Variants in PAGE1 observed in about 807,000 individuals in gnomAD.
The protein encoded by PAGE1 is P antigen family member 1.
PAGE1 carries 6 observed loss-of-function variants against 11.5 expected under a neutral mutation model. The observed-to-expected ratio is 0.52, with a 90% CI of 0.29 to 1.03. The LOEUF (loss-of-function observed/expected upper bound fraction) is 1.03, where lower values mean the gene tolerates loss of function less well. Ranked by LOEUF, PAGE1 falls within the 50% of genes least tolerant of loss-of-function variation. PAGE1 has a pLI of 0.09. For missense variants in PAGE1, 120 were observed against 110.2 expected, an observed-to-expected ratio of 1.09 and a Z score of -0.40; for synonymous variants, 42 against 40.2, an observed-to-expected ratio of 1.05 and a Z score of -0.17.
At position 49,691,317 on chromosome X, in the gene PAGE1, A is replaced by G. The variant is rs1055197; in HGVS notation, c.224T>C (p.Leu75Pro). Residue 75 changes from leucine (L) to proline (P), a missense_variant, in exon 4 of 6, where the codon CTT (leucine) becomes CCT (proline). Coordinates refer to ENST00000376150, the MANE Select transcript of PAGE1 (RefSeq NM_003785.4). ...ELVQPKTGCE[L>P]GDGPDTKRVC... ...CCTCTTGGTATCAGGACCATCTCCA[A>G]GCTCACACCCAGTCTTTGGCTGAAC... 5.8e-6 allele frequency: 7 copies of G among 1,209,550 alleles called. No homozygotes were observed. In the East Asian group the frequency reaches 2.1e-4, roughly 36 times the overall value.
At chrX:49,693,854 C>T (rs915158181) in intron 3 of PAGE1, among the ~76,000 whole-genome samples, 3 of 111,036 alleles carry the variant, frequency 2.7e-5, no homozygotes, top group Admixed American at 1.9e-4. Context: ...ACACAATCCC[C>T]GGGCCTCCAT....
In PAGE1 at chrX:49,689,359, A is replaced by G. The variant is rs1294250040; in HGVS notation, c.418+59T>C. ...CTGTCTCAAAAAAATAATAATTATT[A>G]TAATATGATACTGTGGAAACAGACA... On this transcript the variant is annotated intron_variant, in intron 5 of 5. Coordinates refer to ENST00000376150, the MANE Select transcript of PAGE1 (RefSeq NM_003785.4). 4.2e-6 allele frequency: 4 copies of G among 961,817 alleles called. No homozygotes were observed. In the South Asian group the frequency reaches 6.7e-5, roughly 16 times the overall value. The allele number at this position is 961,817 out of a possible 1,213,427, so 79.3% of individuals were successfully genotyped here. A position where few individuals can be genotyped will look rare whatever the true frequency, so the allele number is the denominator to read the frequency against.
Position 49,691,283 on chromosome X carries a change from C to A in PAGE1, c.258G>T (p.Leu86=), listed in dbSNP as rs2147145456. ...GCAGTTTCATCTGCTCTTCATTTCG[C>A]AGGCACACCCTCTTGGTATCAGGAC... ...GDGPDTKRVC[L]RNEEQMKLPA... The change falls in exon 4 of 6, where the codon CTG becomes CTT. Residue 86 remains leucine (L), a synonymous_variant. Coordinates refer to ENST00000376150, the MANE Select transcript of PAGE1 (RefSeq NM_003785.4). 1 of 1,210,679 alleles carries A rather than the reference C, an allele frequency of 8.3e-7. No homozygotes were observed. Among genetic ancestry groups the A allele is most frequent in the Non-Finnish European group, 1.1e-6 (1 of 894,601 alleles).
At chrX:49,695,264 C>T (rs186740570) in intron 1 of PAGE1, among the ~76,000 whole-genome samples, 120 of 112,610 alleles carry the variant, frequency 1.1e-3, no homozygotes, top group African/African-American at 3.5e-3. Flanking sequence ...TTTTGGCACA[C>T]TCCCACTTAC....
intron 5 of PAGE1, among the ~76,000 whole-genome samples, chrX:49,689,202 G>T (rs970105267): frequency 9.2e-6 from 1 of 108,872 alleles, no homozygotes; most frequent in Non-Finnish European, 1.9e-5. Flanking sequence ...TTAGCTGGGC[G>T]TGGTGGAGCA....
intron 2 of PAGE1, 82 bp downstream of exon 2, chrX:49,694,626 C>T: frequency 3.3e-6 from 2 of 610,132 alleles, no homozygotes; most frequent in Non-Finnish European, 5.2e-6. Context: ...ACTAATGCAA[C>T]AACACTATCA....
chrX:49,692,791 T>C (rs1465187736), intron 3 of PAGE1, among the ~76,000 whole-genome samples: 3 of 110,369 alleles, frequency 2.7e-5, no homozygotes, highest in Non-Finnish European at 5.7e-5. Flanking sequence ...TTATTATTTA[T>C]TTATTTATTT....
intron 4 of PAGE1, among the ~76,000 whole-genome samples, chrX:49,689,832 A>T (rs1252254116): frequency 8.1e-5 from 5 of 61,762 alleles, no homozygotes; most frequent in Admixed American, 4.0e-4. Context: ...ATATGTGTAT[A>T]TATGTGTGTA....
chrX:49,687,557 C>T lies in PAGE1; in HGVS notation c.425G>A (p.Gly142Glu). 1.7e-6 allele frequency: 2 copies of T among 1,203,802 alleles called. No individual in the cohort carries two copies. The highest frequency in any genetic ancestry group is 2.2e-6 in the Non-Finnish European group (2 of 890,597). ...TGTCTTCTTTTAAGGCTGTGATTGC[C>T]CTTCATCTGTAACAGAAACATAACT... Reference protein sequence around the residue: ...EEVKTPEEDEGQSQP With the variant: ...EEVKTPEEDEEQSQP Residue 142 changes from glycine (G) to glutamate (E), a missense_variant, in exon 6 of 6, where the codon GGG (glycine) becomes GAG (glutamate). Coordinates refer to ENST00000376150, the MANE Select transcript of PAGE1 (RefSeq NM_003785.4).
intron 5 of PAGE1, 142 bp downstream of exon 5, chrX:49,689,276 A>C: frequency 3.2e-6 from 2 of 618,325 alleles, no homozygotes; most frequent in Non-Finnish European, 4.1e-6. Flanking sequence ...GGGAGGCAGA[A>C]GCTCCAGTGA....
intron 5 of PAGE1, among the ~76,000 whole-genome samples, chrX:49,688,913 T>C (rs2066893277): frequency 8.9e-6 from 1 of 112,604 alleles, no homozygotes; most frequent in Non-Finnish European, 1.9e-5. Context: ...TAATTCAATA[T>C]GGCTTTGTCT....
chrX:49,687,958 G>C (rs1557141201), intron 5 of PAGE1, among the ~76,000 whole-genome samples: 1 of 112,865 alleles, frequency 8.9e-6, no homozygotes, highest in Non-Finnish European at 1.9e-5. Flanking sequence ...GATATGGTTA[G>C]AGATCATGTA....
At chrX:49,694,799 T>C (rs375975950) in intron 1 of PAGE1, 21 bp from the exon 2 acceptor site, 7 of 952,607 alleles carry the variant, frequency 7.3e-6, no homozygotes, top group Non-Finnish European at 1.1e-5. Flanking sequence ...AAAATTGTGA[T>C]TGGGAACATG....
chrX:49,689,893 G>T (rs192412998), intron 4 of PAGE1, among the ~76,000 whole-genome samples: 5 of 32,576 alleles, frequency 1.5e-4, no homozygotes, highest in African/African-American at 3.9e-4. Context: ...CACATATATA[G>T]GTGTATATAT....
At chrX:49,695,052 C>A (rs181322139) in intron 1 of PAGE1, among the ~76,000 whole-genome samples, 1 of 112,594 alleles carries the variant, frequency 8.9e-6, no homozygotes, top group Admixed American at 9.4e-5. Flanking sequence ...CTGTTGCTCA[C>A]GCTGGAATGC....
At position 49,695,252 on chromosome X, in the gene PAGE1, G is replaced by A. The variant is rs1164301879; in HGVS notation, c.-8-474C>T. On this transcript the variant is annotated intron_variant, in intron 1 of 5. Transcript: ENST00000376150. ...GTGAATCACAATTCCCGTGACTGCTGCTTTTGGCACACTCCCACTTACTAG... is the reference window on the plus strand; with the variant it reads ...GTGAATCACAATTCCCGTGACTGCTACTTTTGGCACACTCCCACTTACTAG... Among the ~76,000 whole-genome samples, 5 of 112,422 alleles carry A rather than the reference G, an allele frequency of 4.4e-5. No individual in the cohort carries two copies. The Admixed American group carries it at 4.7e-4, about 11-fold the overall frequency.
At chrX:49,694,846 G>T in intron 1 of PAGE1, 68 bp from the exon 2 acceptor site, 1 of 562,586 alleles carries the variant, frequency 1.8e-6, no homozygotes, top group Non-Finnish European at 3.0e-6. Context: ...CACTTCCATG[G>T]CTAAATGTTA....
chrX:49,694,447 T>C (rs2066933293), intron 2 of PAGE1, among the ~76,000 whole-genome samples: 1 of 111,265 alleles, frequency 9.0e-6, no homozygotes, highest in Non-Finnish European at 1.9e-5. Flanking sequence ...TTGGAATAGA[T>C]GTGTATAATC....
intron 3 of PAGE1, among the ~76,000 whole-genome samples, chrX:49,692,744 A>G (rs6608913): frequency 0.026 from 2,900 of 110,807 alleles, 58 homozygotes; most frequent in African/African-American, 0.07. Context: ...AGCTAAGAAC[A>G]AACTTTACAT....
Sources: allele counts gnomAD v4.1 joint callset (sites outside exome capture counted in the v4.1 genomes callset), GRCh38; gene constraint gnomAD v4.1.1; transcripts MANE v1.5; gene names NCBI Gene and HGNC (gene_info 2026-07-23, HGNC 2026-07-21).